ZC3H15: variants seen among roughly 807,000 people sequenced by gnomAD.
The protein encoded by ZC3H15 is zinc finger CCCH-type containing 15, also known as zinc finger CCCH domain-containing protein 15.
Under a neutral mutation model 51.2 loss-of-function variants are expected in ZC3H15, and 15 were observed. The ratio of observed to expected loss-of-function variants is 0.29; its 90% confidence interval spans 0.20 to 0.45. The LOEUF (loss-of-function observed/expected upper bound fraction) is 0.45. Ranked by LOEUF, ZC3H15 falls within the 20% of genes least tolerant of loss-of-function variation. ZC3H15 has a pLI of 1.00. For missense variants in ZC3H15, 381 were observed against 494.7 expected (o/e 0.77, Z 2.18); for synonymous variants, 144 against 162.8 (o/e 0.88, Z 0.88).
In ZC3H15 at chr2:186,495,335, G is replaced by A; in HGVS notation, c.177+1G>A. ...ATTTGGTCAACAAAATCCACGTCAG[G>A]TAAGTAATTTAAATGTCCATATCTT... On this transcript the variant is annotated splice_donor_variant, in intron 2 of 9. Transcript: ENST00000337859. LOFTEE classifies it high-confidence loss of function. 1 of 1,483,250 alleles carries A rather than the reference G, an allele frequency of 6.7e-7. No individual in the cohort carries two copies. The highest frequency in any genetic ancestry group is 2.6e-5 in the East Asian group (1 of 38,048). The allele number at this position is 1,483,250 out of a possible 1,614,324, so 91.9% of individuals were successfully genotyped here. A position where few individuals can be genotyped will look rare whatever the true frequency, so the allele number is the denominator to read the frequency against.
chr2:186,493,240 GTGACTACC>G (rs1685227593), intron 1 of ZC3H15, among the ~76,000 whole-genome samples: 1 of 152,136 alleles, frequency 6.6e-6, no homozygotes, highest in African/African-American at 2.4e-5. Context: ...GCTCAGCCAG[GTGACTACC>G]TCTGCAAGAA....
rs1049229248 is a variant in ZC3H15 at position 186,486,316 on chromosome 2, C to T, written c.-67C>T. ...GCCCCGGTCTTCCTCCTCGTCCTGC[C>T]GCAGGGCCAGAACCCCTGACGGTAT... On this transcript the variant is annotated 5_prime_UTR_variant, in exon 1 of 10. Transcript: ENST00000337859. The T allele has an allele frequency of 2.8e-5, 40 of 1,407,494 alleles. No homozygotes were observed. Among genetic ancestry groups the T allele is most frequent in the Non-Finnish European group, 3.5e-5 (37 of 1,064,652 alleles). 87.2% of individuals were successfully genotyped at this position (1,407,494 alleles called of 1,614,324 possible).
intron 1 of ZC3H15, among the ~76,000 whole-genome samples, chr2:186,489,367 C>CT (rs990847597): frequency 9.9e-5 from 15 of 151,544 alleles, no homozygotes; most frequent in African/African-American, 3.6e-4. Flanking sequence ...ATATAGGCAA[C>CT]TTTTTTTTTA....
At chr2:186,491,237 A>G (rs978669448) in intron 1 of ZC3H15, among the ~76,000 whole-genome samples, 1 of 152,196 alleles carries the variant, frequency 6.6e-6, no homozygotes, top group African/African-American at 2.4e-5. Context: ...GGAGTCAAAT[A>G]TACCTAGGTT....
intron 1 of ZC3H15, among the ~76,000 whole-genome samples, chr2:186,493,744 G>C (rs1685235563): frequency 6.6e-6 from 1 of 151,640 alleles, no homozygotes; most frequent in Non-Finnish European, 1.5e-5. Context: ...CCTAGTTTCT[G>C]GTGGCATCTG....
intron 1 of ZC3H15, among the ~76,000 whole-genome samples, chr2:186,487,764 A>T (rs1477081810): frequency 6.6e-6 from 1 of 152,190 alleles, no homozygotes; most frequent in Admixed American, 6.5e-5. Context: ...TTTCCTCGAG[A>T]TTGGACCCTG....
intron 1 of ZC3H15, 30 bp from the exon 2 acceptor site, chr2:186,495,203 T>C: frequency 1.5e-6 from 2 of 1,367,606 alleles, no homozygotes; most frequent in Non-Finnish European, 2.0e-6. Flanking sequence ...CATAAATTGC[T>C]AAGATATTTC....
intron 9 of ZC3H15, chr2:186,507,475 G>C (rs1157418135): frequency 4.4e-6 from 2 of 456,640 alleles, no homozygotes; most frequent in Non-Finnish European, 8.8e-6. Flanking sequence ...AGAGGATCTG[G>C]TAAGGAGGAG....
In ZC3H15 at chr2:186,500,225, A is replaced by G. The variant is rs748178666; in HGVS notation, c.221A>G (p.Lys74Arg). 2.5e-6 allele frequency: 4 copies of G among 1,613,772 alleles called. No homozygotes were observed. Among genetic ancestry groups the G allele is most frequent in the Admixed American group, 3.3e-5 (2 of 59,978 alleles). The change falls in exon 3 of 10, where the codon AAG becomes AGG. Residue 74 changes from lysine (K) to arginine (R), a missense_variant. By Grantham distance (26) the Lys-to-Arg change is conservative. Coordinates refer to ENST00000337859, the MANE Select transcript of ZC3H15 (RefSeq NM_018471.3). ...EAEKKLKKDD[K>R]KKELQELNEL... ...GAAAAGAAATTGAAGAAGGATGACA[A>G]GAAGAAAGAATTGCAGGAGCTAAAT...
chr2:186,490,262 A>C (rs1386691645), intron 1 of ZC3H15, among the ~76,000 whole-genome samples: 1 of 152,214 alleles, frequency 6.6e-6, no homozygotes, highest in Non-Finnish European at 1.5e-5. Context: ...TACAACTAAA[A>C]TTTAGTGACA....
At chr2:186,490,914 G>A (rs1465205056) in intron 1 of ZC3H15, among the ~76,000 whole-genome samples, 1 of 152,030 alleles carries the variant, frequency 6.6e-6, no homozygotes, top group African/African-American at 2.4e-5. Context: ...GTTAACTTTT[G>A]GGACCTTATT....
In ZC3H15 at chr2:186,508,927, G is replaced by C. The variant is rs1448440885; in HGVS notation, c.*194G>C. ...TTGGCTACATCTCATAGTAAGTTCA[G>C]AGTAGTTCATGATAAATTGAAAATA... On this transcript the variant is annotated 3_prime_UTR_variant, in exon 10 of 10. Transcript: ENST00000337859. 3.0e-6 allele frequency: 2 copies of C among 661,820 alleles called. No individual in the cohort carries two copies. The highest frequency in any genetic ancestry group is 5.6e-5 in the East Asian group (2 of 35,560). The allele number at this position is 661,820 out of a possible 1,614,324, so 41.0% of individuals were successfully genotyped here. A position where few individuals can be genotyped will look rare whatever the true frequency, so the allele number is the denominator to read the frequency against.
chr2:186,506,783 G>T lies in ZC3H15; in HGVS notation c.1037G>T (p.Gly346Val), dbSNP rs750898711. Residue 346 changes from glycine (G) to valine (V), a missense_variant, in exon 9 of 10, where the codon GGT (glycine) becomes GTT (valine). Gly to Val is a moderately radical substitution (Grantham distance 109). Around this residue, in one of 3 missense-constraint regions of ZC3H15, gnomAD observed 215 missense variants for 241.8 expected, o/e 0.89. Coordinates refer to ENST00000337859, the MANE Select transcript of ZC3H15 (RefSeq NM_018471.3). ...ATCCCAAGAGATGTAGATGAAACAG[G>T]TATTACTGTAGCCAGTCTTGAAAGA... ...LYIPRDVDET[G>V]ITVASLERFS... is the part of the protein sequence containing the mutation. 1.2e-6 allele frequency: 2 copies of T among 1,613,714 alleles called. No homozygotes were observed. The highest frequency in any genetic ancestry group is 1.7e-6 in the Non-Finnish European group (2 of 1,179,824).
chr2:186,497,482 A>G (rs544354352), intron 2 of ZC3H15, among the ~76,000 whole-genome samples: 2 of 152,308 alleles, frequency 1.3e-5, no homozygotes, highest in South Asian at 4.1e-4. Context: ...CCTTGCAGTG[A>G]GATAGACTTG....
intron 5 of ZC3H15, 152 bp from the exon 6 acceptor site, chr2:186,503,880 G>T: frequency 1.9e-6 from 1 of 525,226 alleles, no homozygotes; most frequent in African/African-American, 2.0e-5. Context: ...ACAGAATAGA[G>T]GCTAGACAGA....
chr2:186,502,312 C>G (rs1239111426), intron 4 of ZC3H15, among the ~76,000 whole-genome samples, 184 bp from the exon 5 acceptor site: 1 of 152,028 alleles, frequency 6.6e-6, no homozygotes, highest in Non-Finnish European at 1.5e-5. Context: ...GTTAGGGCTT[C>G]AGTAGGCCGT....
chr2:186,501,533 T>TA (rs1685385035), intron 4 of ZC3H15, 108 bp downstream of exon 4: 2 of 886,054 alleles, frequency 2.3e-6, no homozygotes, highest in Non-Finnish European at 3.2e-6. Flanking sequence ...AGACTGTTTA[T>TA]AAAAAATAAT....
At position 186,506,732 on chromosome 2, in the gene ZC3H15, T is replaced by C. The variant is rs767121526; in HGVS notation, c.986T>C (p.Val329Ala). 1 of 1,612,960 alleles carries C rather than the reference T, an allele frequency of 6.2e-7. No homozygotes were observed. Among genetic ancestry groups the C allele is most frequent in the East Asian group, 2.2e-5 (1 of 44,854 alleles). Residue 329 changes from valine (V) to alanine (A), a missense_variant, in exon 9 of 10, where the codon GTA becomes GCA. This residue lies in a region of ZC3H15 where 215 missense variants were observed against 241.8 expected (regional missense o/e 0.89). Coordinates refer to ENST00000337859, the MANE Select transcript of ZC3H15 (RefSeq NM_018471.3). ...TTAAAGGTTGATGATTCAGTGAGTG[T>C]AAATGACATAGATTTAAGCCTGTAC... is the stretch of plus-strand genomic sequence containing the variant. Reference protein sequence around the residue: ...GGDEVDDSVSVNDIDLSLYIP... With the variant: ...GGDEVDDSVSANDIDLSLYIP...
Position 186,506,828 on chromosome 2 carries a change from A to G in ZC3H15, c.1082A>G (p.Asp361Gly), listed in dbSNP as rs1460861815. Residue 361 changes from aspartate (D) to glycine (G), a missense_variant, in exon 9 of 10, where the codon GAT becomes GGT. Asp to Gly is a moderately conservative substitution (Grantham distance 94). Transcript: ENST00000337859. ...SLERFSTYTS[D>G]KDENKLSEAS... is the part of the protein sequence containing the mutation. ...GAAAGATTCAGCACATATACTTCAG[A>G]TAAAGATGGTAAGTATGCTAACTTT... 2.5e-6 allele frequency: 4 copies of G among 1,610,836 alleles called. No individual in the cohort carries two copies. Among genetic ancestry groups the G allele is most frequent in the Non-Finnish European group, 2.5e-6 (3 of 1,178,994 alleles).
Sources: allele counts gnomAD v4.1 joint callset (sites outside exome capture counted in the v4.1 genomes callset), GRCh38; gene constraint gnomAD v4.1.1; regional missense constraint gnomAD v4.1.1; transcripts MANE v1.5; gene names NCBI Gene and HGNC (gene_info 2026-07-23, HGNC 2026-07-21).